ZNF215: variants seen among roughly 807,000 people sequenced by gnomAD.
The protein encoded by ZNF215 is BWSCR2-associated zinc finger protein 2.
Under a neutral mutation model 27.2 loss-of-function variants are expected in ZNF215, and 24 were observed. The ratio of observed to expected loss-of-function variants is 0.88; its 90% confidence interval spans 0.64 to 1.24. The LOEUF (loss-of-function observed/expected upper bound fraction) is 1.24. Ranked by LOEUF, ZNF215 falls within the 50% of genes most tolerant of loss-of-function variation. The pLI, the probability that ZNF215 is intolerant of heterozygous loss-of-function variation, is 0.00. For synonymous variants in ZNF215, 210 were observed against 204.0 expected, an observed-to-expected ratio of 1.03 and a Z score of -0.25; for missense variants, 675 against 605.7, an observed-to-expected ratio of 1.11 and a Z score of -1.20.
downstream of ZNF215, among the ~76,000 whole-genome samples, chr11:6,987,232 A>G (rs2857909): frequency 0.32 from 48,224 of 151,988 alleles, 7,965 homozygotes; most frequent in African/African-American, 0.38. Context: ...GCAACATGAT[A>G]CAGCCGGAAA....
At chr11:6,962,927 G>C (rs533636439), downstream of ZNF215, among the ~76,000 whole-genome samples, 2 of 151,950 alleles carry the variant, frequency 1.3e-5, no homozygotes, top group African/African-American at 2.4e-5. Context: ...TATTTTTCCT[G>C]TGTCATGTTG....
chr11:6,991,010 G>A (rs781372120), downstream of ZNF215, among the ~76,000 whole-genome samples: 5 of 152,182 alleles, frequency 3.3e-5, no homozygotes, highest in Non-Finnish European at 7.4e-5. Flanking sequence ...GTAGGCATAG[G>A]CAGGAAATCA....
intron 3 of ZNF215, among the ~76,000 whole-genome samples, chr11:6,936,168 G>T (rs1166658455): frequency 2.0e-5 from 3 of 151,932 alleles, no homozygotes; most frequent in African/African-American, 7.2e-5. Context: ...AAAGATAAAT[G>T]ATGTGGAGCC....
chr11:6,944,165 A>G (rs991850917), intron 6 of ZNF215, among the ~76,000 whole-genome samples: 1 of 152,094 alleles, frequency 6.6e-6, no homozygotes, highest in Admixed American at 6.5e-5. Flanking sequence ...AGTCCCAGCT[A>G]CTAGGGAGGC....
Position 6,956,881 on chromosome 11 carries a change from C to T in ZNF215, c.*350C>T, listed in dbSNP as rs1161056189. The T allele has an allele frequency of 9.9e-7, 1 of 1,008,136 alleles. No individual in the cohort carries two copies. Among genetic ancestry groups the T allele is most frequent in the Non-Finnish European group, 1.2e-6 (1 of 844,216 alleles). The allele number at this position is 1,008,136 out of a possible 1,614,324, so 62.4% of individuals were successfully genotyped here. On this transcript the variant is annotated 3_prime_UTR_variant, in exon 7 of 7. Coordinates refer to ENST00000278319, the MANE Select transcript of ZNF215 (RefSeq NM_013250.4). ...CCACCTGATTTATTGACGAAGTAGA[C>T]ATTAGGCAAAGCCAAACAATACTCT...
chr11:6,936,852 G>C (rs546719547), intron 3 of ZNF215, among the ~76,000 whole-genome samples: 13 of 145,086 alleles, frequency 9.0e-5, no homozygotes, highest in Admixed American at 1.4e-4. Context: ...AATTGATGCA[G>C]AAAAAGCATC....
chr11:6,934,596 C>T lies in ZNF215; in HGVS notation c.400+1924C>T, dbSNP rs552090233. On this transcript the variant is annotated intron_variant, in intron 3 of 6. Transcript: ENST00000278319. ...AACAATGGGCCAAGTCCTTTTCACA[C>T]TGCCACATCTCTAATACTTTATTCT... Among the ~76,000 whole-genome samples, 12 of 152,316 alleles carry T rather than the reference C, an allele frequency of 7.9e-5. No homozygotes were observed. In the East Asian group the frequency reaches 2.1e-3, roughly 27 times the overall value.
chr11:6,979,193 C>T (rs371362956), intron 5 of ZNF215, among the ~76,000 whole-genome samples: 5 of 151,992 alleles, frequency 3.3e-5, no homozygotes, highest in African/African-American at 1.2e-4. Context: ...TTGTCCAACT[C>T]TATGATACTG....
At position 6,932,554 on chromosome 11, in the gene ZNF215, A is replaced by G. The variant is rs1286207287; in HGVS notation, c.282A>G (p.Glu94=). The change falls in exon 3 of 7, where the codon GAA becomes GAG. Residue 94 remains glutamate (E), a synonymous_variant. Coordinates refer to ENST00000278319, the MANE Select transcript of ZNF215 (RefSeq NM_013250.4). Reference sequence around the variant, plus strand: ...AGATTATAGAACTGTTGGTGCTGGAACAATTCCTGGCAATCCTGCCTGAAG... The same window carrying G: ...AGATTATAGAACTGTTGGTGCTGGAGCAATTCCTGGCAATCCTGCCTGAAG... ...KKQIIELLVL[E]QFLAILPEEV... The G allele has an allele frequency of 6.2e-7, 1 of 1,614,108 alleles. No homozygotes were observed. Among genetic ancestry groups the G allele is most frequent in the Non-Finnish European group, 8.5e-7 (1 of 1,180,048 alleles).
intron 5 of ZNF215, among the ~76,000 whole-genome samples, chr11:6,982,671 G>A (rs1470171454): frequency 2.6e-5 from 4 of 152,050 alleles, no homozygotes; most frequent in South Asian, 4.2e-4. Flanking sequence ...GGTACATAAC[G>A]AAATGAAGGC....
downstream of ZNF215, among the ~76,000 whole-genome samples, chr11:6,991,482 A>G (rs1486409623): frequency 6.6e-6 from 1 of 152,158 alleles, no homozygotes; most frequent in African/African-American, 2.4e-5. Context: ...CCTACCCTAG[A>G]GCCCCCTCAG....
intron 5 of ZNF215, among the ~76,000 whole-genome samples, chr11:6,971,420 T>G (rs1850715940): frequency 6.6e-6 from 1 of 152,152 alleles, no homozygotes; most frequent in African/African-American, 2.4e-5. Context: ...TTATTGCAGT[T>G]TGTTAATGCC....
At chr11:6,947,099 C>T (rs1280230063) in intron 6 of ZNF215, among the ~76,000 whole-genome samples, 1 of 152,044 alleles carries the variant, frequency 6.6e-6, no homozygotes, top group African/African-American at 2.4e-5. Context: ...CTGTATTTCC[C>T]CATTGTTTTA....
chr11:6,932,323 T>C lies in ZNF215; in HGVS notation c.51T>C (p.Ser17=). ...CTATCTCAAAACCTCGAAACCTGTC[T>C]CTACGTGAACAAAGAGAGGTTCTGA... ...LMAISKPRNL[S]LREQREVLRA... Residue 17 remains serine (S), a synonymous_variant, in exon 3 of 7, where the codon TCT becomes TCC. Coordinates refer to ENST00000278319, the MANE Select transcript of ZNF215 (RefSeq NM_013250.4). 1 of 1,614,142 alleles carries C rather than the reference T, an allele frequency of 6.2e-7. No homozygotes were observed. Among genetic ancestry groups the C allele is most frequent in the Non-Finnish European group, 8.5e-7 (1 of 1,180,032 alleles).
At chr11:6,972,606 T>A (rs1850740155) in intron 5 of ZNF215, among the ~76,000 whole-genome samples, 1 of 152,146 alleles carries the variant, frequency 6.6e-6, no homozygotes, top group South Asian at 2.1e-4. Flanking sequence ...AATAAATGGA[T>A]TTTAAATTAG....
At chr11:6,984,269 A>T (rs1851018460) in exon 6 of ZNF215, 1 of 239,426 alleles carries the variant, frequency 4.2e-6, no homozygotes, top group Non-Finnish European at 8.4e-6. Flanking sequence ...CACCATGCCT[A>T]GCTAATTTTT....
At chr11:6,954,907 A>G (rs1311528183) in intron 6 of ZNF215, among the ~76,000 whole-genome samples, 1 of 152,220 alleles carries the variant, frequency 6.6e-6, no homozygotes, top group East Asian at 1.9e-4. Flanking sequence ...TTTTTAAAAA[A>G]TTGCTAGAAT....
downstream of ZNF215, among the ~76,000 whole-genome samples, chr11:6,991,923 C>G (rs186803466): frequency 6.6e-6 from 1 of 152,314 alleles, no homozygotes; most frequent in South Asian, 2.1e-4. Context: ...CCCCGTGAAC[C>G]GCCTCTTGGT....
downstream of ZNF215, among the ~76,000 whole-genome samples, chr11:6,991,947 T>C (rs1304902298): frequency 6.6e-6 from 1 of 152,194 alleles, no homozygotes; most frequent in Non-Finnish European, 1.5e-5. Flanking sequence ...CATAACGTTG[T>C]GTAGTCCCCT....
Sources: allele counts gnomAD v4.1 joint callset (sites outside exome capture counted in the v4.1 genomes callset), GRCh38; gene constraint gnomAD v4.1.1; transcripts MANE v1.5; gene names NCBI Gene and HGNC (gene_info 2026-07-23, HGNC 2026-07-21).